The following PIK3R5 variants were observed in gnomAD, a reference collection of about 807,000 sequenced individuals.
The protein encoded by PIK3R5 is phosphoinositide 3-kinase regulatory subunit 5.
A neutral mutation model predicts 94.9 loss-of-function variants in PIK3R5; 32 were observed. The ratio of observed to expected loss-of-function variants is 0.34; its 90% CI spans 0.25 to 0.45. PIK3R5 has a LOEUF of 0.45. Among genes scored for constraint, PIK3R5 ranks in the 20% least tolerant of loss-of-function variants. The probability of loss-of-function intolerance (pLI) is 1.00; values close to 1 mark genes in which losing one functional copy is unlikely to be tolerated. For synonymous variants in PIK3R5, 443 were observed against 479.4 expected (o/e 0.92, Z 0.99); for missense variants, 853 against 1,144.6 (o/e 0.75, Z 3.68).
chr17:8,962,601 T>C (rs961689049), intron 1 of PIK3R5, among the ~76,000 whole-genome samples: 4 of 152,220 alleles, frequency 2.6e-5, no homozygotes, highest in Non-Finnish European at 5.9e-5. Context: ...CTGTATTTAA[T>C]AGAATCTAAG....
At chr17:8,950,502 T>C (rs1174528659) in intron 1 of PIK3R5, among the ~76,000 whole-genome samples, 1 of 152,182 alleles carries the variant, frequency 6.6e-6, no homozygotes, top group African/African-American at 2.4e-5. Flanking sequence ...TTATGTCTAC[T>C]TGTGCTCAGT....
chr17:8,887,991 ACT>A (rs574963782), intron 10 of PIK3R5, among the ~76,000 whole-genome samples, 178 bp downstream of exon 10: 4,079 of 144,754 alleles, frequency 0.028, 208 homozygotes, highest in African/African-American at 0.097. Context: ...ACAGAGCAAG[ACT>A]CTGTCTCAAA....
At chr17:8,915,726 G>A (rs1274908956) in intron 1 of PIK3R5, 3 of 152,378 alleles carry the variant, frequency 2.0e-5, no homozygotes, top group Non-Finnish European at 2.9e-5. Flanking sequence ...GCAGGAGTGA[G>A]TCATCCTGCT....
chr17:8,936,791 A>C (rs1017840662), intron 1 of PIK3R5, among the ~76,000 whole-genome samples: 6 of 152,196 alleles, frequency 3.9e-5, no homozygotes, highest in Non-Finnish European at 7.4e-5. Flanking sequence ...CAATATTCAC[A>C]AAGTAATTTA....
At position 8,905,708 on chromosome 17, in the gene PIK3R5, G is replaced by A. The variant is rs61753147; in HGVS notation, c.234C>T (p.Leu78=). 81,203 of 1,605,718 alleles carry A rather than the reference G, an allele frequency of 0.051. 2,370 individuals are homozygous for A. The highest frequency in any genetic ancestry group is 0.072 in the South Asian group (6,390 of 89,086). The change falls in exon 4 of 19, where the codon CTC becomes CTT. Residue 78 remains leucine, a synonymous_variant. Coordinates refer to ENST00000447110, the MANE Select transcript of PIK3R5 (RefSeq NM_001142633.3). ...EVQEKGTYDL[L]TPLALLFYST... ...AATAGAAGAGCAGGGCCAGCGGGGTGAGCAGGTCGTAGGTGCCCTTCTCCT... is the reference window on the plus strand; with the variant it reads ...AATAGAAGAGCAGGGCCAGCGGGGTAAGCAGGTCGTAGGTGCCCTTCTCCT...
At chr17:8,938,398 G>A (rs368998272) in intron 1 of PIK3R5, among the ~76,000 whole-genome samples, 1 of 152,074 alleles carries the variant, frequency 6.6e-6, no homozygotes, top group Non-Finnish European at 1.5e-5. Flanking sequence ...TTCATGTAAC[G>A]TAAACTCAAC....
chr17:8,938,211 T>C (rs1485294599), intron 1 of PIK3R5, among the ~76,000 whole-genome samples: 2 of 152,234 alleles, frequency 1.3e-5, no homozygotes, highest in Admixed American at 6.5e-5. Context: ...TTAATAGATA[T>C]AGGCCTATTC....
chr17:8,957,569 G>A (rs1195674182), intron 1 of PIK3R5, among the ~76,000 whole-genome samples: 1 of 152,214 alleles, frequency 6.6e-6, no homozygotes, highest in African/African-American at 2.4e-5. Context: ...TGGTTGCTCA[G>A]CATCCTCCAA....
chr17:8,917,529 C>A (rs1440641803), intron 1 of PIK3R5, among the ~76,000 whole-genome samples: 1 of 152,062 alleles, frequency 6.6e-6, no homozygotes, highest in Non-Finnish European at 1.5e-5. Flanking sequence ...TACTGTTTTC[C>A]AGTTATTAAA....
At chr17:8,958,109 G>A (rs1201256325) in intron 1 of PIK3R5, among the ~76,000 whole-genome samples, 1 of 152,052 alleles carries the variant, frequency 6.6e-6, no homozygotes, top group Middle Eastern at 3.2e-3. Context: ...CCAGGAGTTC[G>A]AGAGCAGCCT....
At chr17:8,930,527 T>A (rs1376179831) in intron 1 of PIK3R5, among the ~76,000 whole-genome samples, 1 of 152,218 alleles carries the variant, frequency 6.6e-6, no homozygotes, top group Non-Finnish European at 1.5e-5. Flanking sequence ...AGCGTTTATC[T>A]CAAAGAAAGG....
chr17:8,941,660 C>T (rs2091182563), intron 1 of PIK3R5, among the ~76,000 whole-genome samples: 2 of 152,242 alleles, frequency 1.3e-5, no homozygotes, highest in Non-Finnish European at 2.9e-5. Flanking sequence ...CACGCGGCAC[C>T]GTGGCACAGG....
chr17:8,921,949 A>C lies in PIK3R5; in HGVS notation c.-13-10442T>G, dbSNP rs1268391362. ...AATATCAAAATTTAAAACTCTGTGC[A>C]TTAAAGGATACAATCAACAGAGTGA... is the stretch of plus-strand genomic sequence containing the variant. On this transcript the variant is annotated intron_variant, in intron 1 of 18. Coordinates refer to ENST00000447110, the MANE Select transcript of PIK3R5 (RefSeq NM_001142633.3). Among the ~76,000 whole-genome samples, 3 of 152,342 alleles carry C rather than the reference A, an allele frequency of 2.0e-5. No individual in the cohort carries two copies. In the East Asian group the frequency reaches 5.8e-4, roughly 29 times the overall value.
In PIK3R5 at chr17:8,893,435, C is replaced by T; in HGVS notation, c.482+151G>A. The T allele has an allele frequency of 1.5e-6, 1 of 650,622 alleles. No homozygotes were observed. The highest frequency in any genetic ancestry group is 2.8e-6 in the Non-Finnish European group (1 of 360,710). The allele number at this position is 650,622 out of a possible 1,614,324, so 40.3% of individuals were successfully genotyped here. Reference sequence around the variant, plus strand: ...ATATCACCAGCAGTGCCAGGGGGTTCCCAGTTCCCTGGAAGCCTGTTTGTT... The same window carrying T: ...ATATCACCAGCAGTGCCAGGGGGTTTCCAGTTCCCTGGAAGCCTGTTTGTT... On this transcript the variant is annotated intron_variant, in intron 6 of 18. Coordinates refer to ENST00000447110, the MANE Select transcript of PIK3R5 (RefSeq NM_001142633.3). This position sits in a 1 kb window ranked among gnomAD's most constrained non-coding sequence, Gnocchi z 5.1.
At chr17:8,910,614 T>C (rs976261461) in intron 2 of PIK3R5, among the ~76,000 whole-genome samples, 1 of 152,174 alleles carries the variant, frequency 6.6e-6, no homozygotes, top group African/African-American at 2.4e-5. Context: ...GGGAGATAGC[T>C]TTAATCCAGG....
chr17:8,911,341 C>G lies in PIK3R5; in HGVS notation c.103+51G>C, dbSNP rs758591736. 1.4e-4 allele frequency: 201 copies of G among 1,432,794 alleles called. No homozygotes were observed. The highest frequency in any genetic ancestry group is 1.8e-4 in the Non-Finnish European group (188 of 1,030,022). 88.8% of individuals were successfully genotyped at this position (1,432,794 alleles called of 1,614,324 possible). A position where few individuals can be genotyped will look rare whatever the true frequency, so the allele number is the denominator to read the frequency against. On this transcript the variant is annotated intron_variant, in intron 2 of 18. Coordinates refer to ENST00000447110, the MANE Select transcript of PIK3R5 (RefSeq NM_001142633.3). The surrounding 1 kb of genome is among the most constrained non-coding windows in gnomAD (Gnocchi z 5.3). ...GCCTGGTCCAGTGCCCACCGTGGCC[C>G]CTGAGGCTTCCTTGAGCCCTCAAAC...
intron 1 of PIK3R5, among the ~76,000 whole-genome samples, chr17:8,961,900 G>C (rs572069903): frequency 6.6e-6 from 1 of 152,308 alleles, no homozygotes; most frequent in East Asian, 1.9e-4. Context: ...TGCTGTAGCT[G>C]TGACTCACTT....
rs1391513065 is a variant in PIK3R5, at chr17:8,925,970, TG to T, written c.-13-14464del. Among the ~76,000 whole-genome samples, 3 of 152,216 alleles carry T rather than the reference TG, an allele frequency of 2.0e-5. No homozygotes were observed. The highest frequency in any genetic ancestry group is 2.9e-5 in the Non-Finnish European group (2 of 68,036). Reference sequence around the variant, plus strand: ...CTATTTGGGAGTTCACATGGTGCTGTGGTCACTGAGGCTGTGAACCATGTGA... The same window carrying T: ...CTATTTGGGAGTTCACATGGTGCTGTGTCACTGAGGCTGTGAACCATGTGA... On this transcript the variant is annotated intron_variant, in intron 1 of 18. Transcript: ENST00000447110. The surrounding 1 kb of genome is among the most constrained non-coding windows in gnomAD (Gnocchi z 5.1).
chr17:8,891,014 G>A, intron 6 of PIK3R5, 102 bp from the exon 7 acceptor site: 1 of 1,169,218 alleles, frequency 8.6e-7, no homozygotes, highest in Non-Finnish European at 1.2e-6. Flanking sequence ...ACTGAGACCA[G>A]GGCCTCCTCA....
Sources: gnomAD v4.1 joint callset for allele counts (sites outside exome capture counted in the v4.1 genomes callset) on GRCh38, gnomAD v4.1.1 for gene constraint, Gnocchi (gnomAD v3.1) non-coding constraint, MANE v1.5 for transcripts, NCBI Gene and HGNC (gene_info 2026-07-23, HGNC 2026-07-21) for gene names.